Variants in LAMA2 observed in about 807,000 individuals in gnomAD.
The protein encoded by LAMA2 is laminin subunit alpha 2, also known as laminin subunit alpha-2.
Under a neutral mutation model 364.8 loss-of-function variants are expected in LAMA2, and 269 were observed. The observed-to-expected ratio is 0.74, with a 90% CI of 0.67 to 0.82. The LOEUF is 0.82. Ranked by LOEUF, LAMA2 falls within the 40% of genes least tolerant of loss-of-function variation. The probability of loss-of-function intolerance (pLI) is 0.00; values close to 1 mark genes in which losing one functional copy is unlikely to be tolerated. For synonymous variants in LAMA2, 1,379 were observed against 1,370.6 expected (o/e 1.01, Z -0.14); for missense variants, 3,807 against 3,873.2 (o/e 0.98, Z 0.45).
intron 1 of LAMA2, among the ~76,000 whole-genome samples, chr6:128,941,298 T>A (rs1007911936): frequency 3.9e-5 from 6 of 152,148 alleles, no homozygotes; most frequent in African/African-American, 1.4e-4. Flanking sequence ...TGTTAGGTGC[T>A]GGGGAAATAG....
intron 1 of LAMA2, among the ~76,000 whole-genome samples, chr6:128,918,337 A>G (rs1778476549): frequency 6.6e-6 from 1 of 152,198 alleles, no homozygotes; most frequent in African/African-American, 2.4e-5. Flanking sequence ...TAAACTTTTT[A>G]GGATGTATAT....
At chr6:129,479,993 A>G (rs573008779) in intron 54 of LAMA2, 5 of 152,338 alleles carry the variant, frequency 3.3e-5, no homozygotes, top group African/African-American at 1.2e-4. Flanking sequence ...CAAAAGATAT[A>G]TACATGAGGA....
At chr6:129,342,947 T>C (rs911758298) in intron 30 of LAMA2, among the ~76,000 whole-genome samples, 2 of 152,132 alleles carry the variant, frequency 1.3e-5, no homozygotes, top group Non-Finnish European at 2.9e-5. Flanking sequence ...AGGTGACTTA[T>C]TGTTATGCTC....
At chr6:129,111,332 G>C (rs1486008098) in intron 4 of LAMA2, among the ~76,000 whole-genome samples, 2 of 151,976 alleles carry the variant, frequency 1.3e-5, no homozygotes, top group African/African-American at 4.8e-5. Flanking sequence ...ATTCTAATCA[G>C]GGATAACAAA....
intron 12 of LAMA2, among the ~76,000 whole-genome samples, chr6:129,219,297 G>C (rs1436711187): frequency 6.6e-6 from 1 of 152,274 alleles, no homozygotes; most frequent in South Asian, 2.1e-4. Flanking sequence ...ACACCAATTA[G>C]AATGGCAGTC....
intron 6 of LAMA2, among the ~76,000 whole-genome samples, chr6:129,148,311 C>T (rs1778594462): frequency 6.6e-6 from 1 of 152,056 alleles, no homozygotes; most frequent in African/African-American, 2.4e-5. Flanking sequence ...AATGAGAACA[C>T]ATGGACTCAA....
At chr6:129,163,526 C>T (rs1211277694) in intron 8 of LAMA2, among the ~76,000 whole-genome samples, 1 of 152,068 alleles carries the variant, frequency 6.6e-6, no homozygotes, top group Admixed American at 6.5e-5. Flanking sequence ...ATCACCTACT[C>T]AGGAGACTGA....
chr6:129,194,784 C>G (rs1244800470), intron 12 of LAMA2, among the ~76,000 whole-genome samples: 1 of 152,154 alleles, frequency 6.6e-6, no homozygotes, highest in Non-Finnish European at 1.5e-5. Flanking sequence ...TGCAAGCTCT[C>G]AGAAATTACC....
At chr6:129,057,415 A>T (rs990040019) in intron 2 of LAMA2, among the ~76,000 whole-genome samples, 2 of 152,198 alleles carry the variant, frequency 1.3e-5, no homozygotes, top group African/African-American at 4.8e-5. Context: ...GGTTTTAAAA[A>T]CTAATGATGG....
intron 30 of LAMA2, among the ~76,000 whole-genome samples, chr6:129,346,199 A>G (rs1776541447): frequency 6.6e-6 from 1 of 152,194 alleles, no homozygotes; most frequent in Admixed American, 6.5e-5. Flanking sequence ...TTTGAGCATT[A>G]GAAACCCTCT....
At chr6:129,102,551 C>A (rs536924633) in intron 4 of LAMA2, among the ~76,000 whole-genome samples, 19 of 152,110 alleles carry the variant, frequency 1.2e-4, no homozygotes, top group African/African-American at 4.6e-4. Flanking sequence ...TATTTTTAAT[C>A]TCCTTGAGCA....
At chr6:129,491,239 G>T (rs1042217484) in intron 56 of LAMA2, among the ~76,000 whole-genome samples, 3 of 152,150 alleles carry the variant, frequency 2.0e-5, no homozygotes, top group African/African-American at 7.2e-5. Context: ...GTCTCCTTCT[G>T]ATTCTTGGCC....
intron 15 of LAMA2, among the ~76,000 whole-genome samples, chr6:129,261,538 A>G (rs1221867789): frequency 1.3e-5 from 2 of 152,156 alleles, no homozygotes; most frequent in Non-Finnish European, 2.9e-5. Flanking sequence ...TGGTCAAAAA[A>G]TGTGAACACT....
chr6:129,374,075 CT>C (rs1409761184), intron 34 of LAMA2, among the ~76,000 whole-genome samples: 11 of 152,136 alleles, frequency 7.2e-5, no homozygotes, highest in Admixed American at 3.9e-4. Context: ...TCATTAATTA[CT>C]TTTTTCCTAC....
intron 63 of LAMA2, 44 bp downstream of exon 63, chr6:129,512,537 T>A (rs1380119248): frequency 1.2e-6 from 2 of 1,602,086 alleles, no homozygotes; most frequent in Non-Finnish European, 1.7e-6. Context: ...TTCATGATAT[T>A]GTTGATGTGT....
chr6:129,256,792 A>ATATATATG (rs1786720757), intron 14 of LAMA2, among the ~76,000 whole-genome samples: 2 of 136,964 alleles, frequency 1.5e-5, no homozygotes, highest in African/African-American at 5.1e-5. Flanking sequence ...ATATATATAT[A>ATATATATG]TATATATAGT....
chr6:129,416,614 T>C lies in LAMA2; in HGVS notation c.5866-11138T>C, dbSNP rs538219142. 4.0e-4 allele frequency among the ~76,000 whole-genome samples: 61 copies of C among 152,274 alleles called. No homozygotes were observed. In the South Asian group the frequency reaches 0.011, roughly 27 times the overall value. On this transcript the variant is annotated intron_variant, in intron 40 of 64. Coordinates refer to ENST00000421865, the MANE Select transcript of LAMA2 (RefSeq NM_000426.4). The stretch of plus-strand genomic sequence containing the variant: ...CATGTGGGGGCTTGTATAAGGGAAG[T>C]TCTGATGTCACAGGATCCTTGGGGT...
chr6:129,095,277 A>G (rs1210596584), intron 3 of LAMA2, among the ~76,000 whole-genome samples: 4 of 152,202 alleles, frequency 2.6e-5, no homozygotes, highest in African/African-American at 9.6e-5. Flanking sequence ...CTTTGGAAAC[A>G]AAAGACATCA....
rs149434841 is a variant in LAMA2 at position 129,258,798 on chromosome 6, T to C, written c.2097-1913T>C. ...AATGCCTGTGACACTGCATTTTTCA[T>C]TGACAGGGTTCCTCAGTGAGGGGGG... is the stretch of plus-strand genomic sequence containing the variant. On this transcript the variant is annotated intron_variant, in intron 14 of 64. Transcript: ENST00000421865. 5.5e-3 allele frequency among the ~76,000 whole-genome samples: 832 copies of C among 152,202 alleles called. 9 individuals are homozygous for C. The highest frequency in any genetic ancestry group is 7.7e-3 in the South Asian group (37 of 4,826).
Sources: allele counts gnomAD v4.1 joint callset (sites outside exome capture counted in the v4.1 genomes callset), GRCh38; gene constraint gnomAD v4.1.1; transcripts MANE v1.5; gene names NCBI Gene and HGNC (gene_info 2026-07-23, HGNC 2026-07-21).